DTNB: variants seen among roughly 807,000 people sequenced by gnomAD.
DTNB encodes the protein DTN-B.
Under a neutral mutation model 90.7 loss-of-function variants are expected in DTNB, and 63 were observed. The ratio of observed to expected loss-of-function variants is 0.69; its 90% CI spans 0.57 to 0.86. The LOEUF (loss-of-function observed/expected upper bound fraction) is 0.86, where lower values mean the gene tolerates loss of function less well. Ranked by LOEUF, DTNB falls within the 40% of genes least tolerant of loss-of-function variation. The pLI, the probability that DTNB is intolerant of heterozygous loss-of-function variation, is 0.00. For synonymous variants in DTNB, 277 were observed against 286.7 expected, an observed-to-expected ratio of 0.97 and a Z score of 0.34; for missense variants, 744 against 807.1, an observed-to-expected ratio of 0.92 and a Z score of 0.95.
chr2:25,581,286 C>T (rs780919247), intron 6 of DTNB, among the ~76,000 whole-genome samples: 2 of 152,102 alleles, frequency 1.3e-5, no homozygotes, highest in Non-Finnish European at 2.9e-5. Context: ...CAGTGCCTGG[C>T]ACACAAGATG....
At chr2:25,461,145 C>T (rs912665865) in intron 10 of DTNB, among the ~76,000 whole-genome samples, 1 of 152,216 alleles carries the variant, frequency 6.6e-6, no homozygotes, top group Non-Finnish European at 1.5e-5. Flanking sequence ...CTTAGGTGAT[C>T]CGCCCGCCTT....
chr2:25,669,496 C>T (rs1044206282), intron 1 of DTNB, among the ~76,000 whole-genome samples: 2 of 152,056 alleles, frequency 1.3e-5, no homozygotes, highest in African/African-American at 4.8e-5. Context: ...AAAAGACAAG[C>T]CATTTAAGGG....
chr2:25,391,510 T>C (rs1043818833), intron 16 of DTNB, among the ~76,000 whole-genome samples: 1 of 152,182 alleles, frequency 6.6e-6, no homozygotes, highest in South Asian at 2.1e-4. Flanking sequence ...TGCTCAGCAT[T>C]ATTAGGGAAA....
At chr2:25,652,550 C>T (rs62130094) in intron 2 of DTNB, 44 bp downstream of exon 2, 3 of 1,240,062 alleles carry the variant, frequency 2.4e-6, no homozygotes, top group African/African-American at 1.6e-5. Context: ...AAAAAAAAAC[C>T]ACACAAACAT....
intron 1 of DTNB, chr2:25,672,865 G>A (rs894888496): frequency 1.3e-5 from 2 of 152,146 alleles, no homozygotes; most frequent in African/African-American, 4.8e-5. Flanking sequence ...CCTCGTCTCG[G>A]GACACTTCTT....
At chr2:25,560,615 C>T (rs2058111265) in intron 8 of DTNB, among the ~76,000 whole-genome samples, 1 of 152,210 alleles carries the variant, frequency 6.6e-6, no homozygotes, top group African/African-American at 2.4e-5. Context: ...GGACCTATAT[C>T]ATCAGTTCTC....
At chr2:25,525,453 A>G (rs946698580) in intron 9 of DTNB, among the ~76,000 whole-genome samples, 2 of 152,084 alleles carry the variant, frequency 1.3e-5, no homozygotes, top group Non-Finnish European at 2.9e-5. Context: ...CCTGGCCAAC[A>G]TTGTGAAACC....
chr2:25,635,071 T>TAAAAAAAAAAAAAAAAAAAAAA (rs2076845625), intron 3 of DTNB, among the ~76,000 whole-genome samples: 1 of 131,392 alleles, frequency 7.6e-6, no homozygotes, highest in Non-Finnish European at 1.7e-5. Flanking sequence ...AATAAAAAAA[T>TAAAAAAAAAAAAAAAAAAAAAA]AAAAAAAGAA....
intron 1 of DTNB, among the ~76,000 whole-genome samples, chr2:25,656,559 C>T (rs1440334023): frequency 2.6e-5 from 4 of 152,150 alleles, no homozygotes; most frequent in Admixed American, 2.0e-4. Flanking sequence ...AATTTCAAAC[C>T]CTGCCATTTC....
At chr2:25,420,385 T>C (rs750088509) in intron 15 of DTNB, among the ~76,000 whole-genome samples, 1 of 138,638 alleles carries the variant, frequency 7.2e-6, no homozygotes, top group African/African-American at 2.6e-5. Context: ...ACCTCAGTTT[T>C]TCATTAATTC....
intron 8 of DTNB, among the ~76,000 whole-genome samples, chr2:25,560,634 C>G (rs1285963960): frequency 6.6e-6 from 1 of 152,194 alleles, no homozygotes; most frequent in Admixed American, 6.5e-5. Context: ...TCCTGGGTCT[C>G]CAACTTGCCA....
intron 9 of DTNB, among the ~76,000 whole-genome samples, chr2:25,508,306 T>C (rs935380440): frequency 6.6e-6 from 1 of 152,088 alleles, no homozygotes; most frequent in Non-Finnish European, 1.5e-5. Context: ...AAAGGAATAA[T>C]AAGACAAAAG....
intron 8 of DTNB, among the ~76,000 whole-genome samples, chr2:25,541,306 C>A (rs1252533890): frequency 6.6e-6 from 1 of 151,940 alleles, no homozygotes; most frequent in African/African-American, 2.4e-5. Context: ...TGGTGAAACG[C>A]TGTCTCTACT....
rs564400511 is a variant in DTNB at position 25,482,736 on chromosome 2, G to C, written c.1079+60C>G. ...GCTTTTCAGGCCTCATTTCTGGCAG[G>C]GGCATCGCAAATCAGTAGCAGAGGC... On this transcript the variant is annotated intron_variant, in intron 10 of 20. Transcript: ENST00000406818. 6 of 1,550,578 alleles carry C rather than the reference G, an allele frequency of 3.9e-6. No individual in the cohort carries two copies. In the South Asian group the frequency reaches 5.6e-5, roughly 14 times the overall value.
At chr2:25,521,586 G>A (rs1027323573) in intron 9 of DTNB, among the ~76,000 whole-genome samples, 1 of 151,988 alleles carries the variant, frequency 6.6e-6, no homozygotes, top group African/African-American at 2.4e-5. Flanking sequence ...GTTTCGCTAT[G>A]TTGGCCATGG....
chr2:25,479,583 C>G (rs1165984320), intron 10 of DTNB, among the ~76,000 whole-genome samples: 3 of 152,186 alleles, frequency 2.0e-5, no homozygotes, highest in Non-Finnish European at 4.4e-5. Flanking sequence ...CAAATCCCTA[C>G]AGTAGAACCT....
chr2:25,552,697 C>G (rs1408009216), intron 8 of DTNB, among the ~76,000 whole-genome samples: 1 of 152,124 alleles, frequency 6.6e-6, no homozygotes, highest in Admixed American at 6.6e-5. Context: ...GCCCATTGTA[C>G]TTACAGATTA....
At chr2:25,485,304 G>A (rs143812050) in intron 9 of DTNB, among the ~76,000 whole-genome samples, 13 of 151,988 alleles carry the variant, frequency 8.6e-5, no homozygotes, top group African/African-American at 2.9e-4. Flanking sequence ...CACCATTCCC[G>A]GCCACCTGCT....
chr2:25,477,767 A>G (rs1037801316), intron 10 of DTNB, among the ~76,000 whole-genome samples: 4 of 152,224 alleles, frequency 2.6e-5, no homozygotes, highest in African/African-American at 7.2e-5. Flanking sequence ...CACCCAAAAG[A>G]GAAGCCCATA....
Sources: allele counts gnomAD v4.1 joint callset (sites outside exome capture counted in the v4.1 genomes callset), GRCh38; gene constraint gnomAD v4.1.1; transcripts MANE v1.5; gene names NCBI Gene and HGNC (gene_info 2026-07-23, HGNC 2026-07-21).